Variants in HEMK2 observed in about 807,000 individuals in gnomAD.
HEMK2 encodes methyltransferase HEMK2.
At chr21:28,842,307 T>C in the HEMK2 span, among the ~76,000 whole-genome samples, 209 of 152,326 alleles carry the variant, frequency 1.4e-3, 1 homozygote, top group African/African-American at 4.3e-3. Context: ...CTCAGTTTTC[T>C]ATACACTATT....
the HEMK2 span, among the ~76,000 whole-genome samples, chr21:28,580,317 T>C: frequency 6.6e-6 from 1 of 151,462 alleles, no homozygotes; most frequent in Non-Finnish European, 1.5e-5. Context: ...GCCCAGAGAG[T>C]TGGGCAAGGG....
At chr21:28,701,450 T>A in the HEMK2 span, among the ~76,000 whole-genome samples, 1 of 151,984 alleles carries the variant, frequency 6.6e-6, no homozygotes, top group Admixed American at 6.6e-5. Context: ...AAAGTTTCAG[T>A]ATACAAAATT....
At chr21:28,726,869 T>TAAAAAAAAA in the HEMK2 span, among the ~76,000 whole-genome samples, 1 of 130,270 alleles carries the variant, frequency 7.7e-6, no homozygotes, top group African/African-American at 2.9e-5. Flanking sequence ...GGACCCTATC[T>TAAAAAAAAA]AAAAAAAAAA....
the HEMK2 span, among the ~76,000 whole-genome samples, chr21:28,864,081 T>C: frequency 6.6e-6 from 1 of 152,176 alleles, no homozygotes; most frequent in Non-Finnish European, 1.5e-5. Flanking sequence ...TCCACCCACC[T>C]TGGCCTCCCA....
At chr21:28,672,933 G>T in the HEMK2 span, among the ~76,000 whole-genome samples, 1 of 144,522 alleles carries the variant, frequency 6.9e-6, no homozygotes, top group South Asian at 2.2e-4. Flanking sequence ...CATGATAAAC[G>T]CAAAAAGAAG....
chr21:28,581,224 C>CTT, the HEMK2 span, among the ~76,000 whole-genome samples: 64 of 132,554 alleles, frequency 4.8e-4, 1 homozygote, highest in South Asian at 7.5e-3. Flanking sequence ...AAAAGTATGG[C>CTT]TTTTTTTTTT....
the HEMK2 span, among the ~76,000 whole-genome samples, chr21:28,682,758 T>G: frequency 6.6e-6 from 1 of 152,042 alleles, no homozygotes; most frequent in Non-Finnish European, 1.5e-5. Flanking sequence ...TGTAGGGACA[T>G]GGATGAAACT....
the HEMK2 span, among the ~76,000 whole-genome samples, chr21:28,877,005 G>GAGGAAGGA: frequency 0.011 from 367 of 34,490 alleles, 28 homozygotes; most frequent in Non-Finnish European, 0.016. Flanking sequence ...GGGAGGGAGG[G>GAGGAAGGA]AGGAAGGAAG....
chr21:28,806,652 T>TA, the HEMK2 span, among the ~76,000 whole-genome samples: 1 of 151,622 alleles, frequency 6.6e-6, no homozygotes, highest in Non-Finnish European at 1.5e-5. Flanking sequence ...GACAAGAAAA[T>TA]AAAATTAAAA....
At chr21:28,791,773 C>A in the HEMK2 span, among the ~76,000 whole-genome samples, 1 of 152,020 alleles carries the variant, frequency 6.6e-6, no homozygotes, top group Non-Finnish European at 1.5e-5. Flanking sequence ...CCCAAATTAC[C>A]AGAGTGACTC....
At chr21:28,685,119 C>A in the HEMK2 span, among the ~76,000 whole-genome samples, 1 of 151,942 alleles carries the variant, frequency 6.6e-6, no homozygotes, top group Non-Finnish European at 1.5e-5. Context: ...AATAGGGAAT[C>A]GGTTCATGTG....
the HEMK2 span, among the ~76,000 whole-genome samples, chr21:28,615,621 C>T: frequency 2.6e-5 from 4 of 151,620 alleles, no homozygotes; most frequent in East Asian, 7.8e-4. Flanking sequence ...GATTTTATTT[C>T]CCTTCTGGTT....
chr21:28,730,383 GACACACAC>G, the HEMK2 span, among the ~76,000 whole-genome samples: 22 of 115,832 alleles, frequency 1.9e-4, no homozygotes, highest in Admixed American at 8.0e-4. Flanking sequence ...AACACACACA[GACACACAC>G]ACACACACAC....
At chr21:28,622,863 C>T in the HEMK2 span, among the ~76,000 whole-genome samples, 1 of 152,210 alleles carries the variant, frequency 6.6e-6, no homozygotes, top group Admixed American at 6.5e-5. Flanking sequence ...AAACGTAAGA[C>T]CTAAAACCCT....
chr21:28,718,256 T>G, the HEMK2 span, among the ~76,000 whole-genome samples: 1 of 152,230 alleles, frequency 6.6e-6, no homozygotes, highest in Non-Finnish European at 1.5e-5. Context: ...GGCATTGATT[T>G]CTATTTTATT....
At chr21:28,697,049 GA>G in the HEMK2 span, among the ~76,000 whole-genome samples, 2 of 152,258 alleles carry the variant, frequency 1.3e-5, no homozygotes, top group East Asian at 3.9e-4. Context: ...GTAAGGTGAA[GA>G]GCTGCTATGA....
the HEMK2 span, among the ~76,000 whole-genome samples, chr21:28,669,258 G>A: frequency 6.6e-6 from 1 of 152,072 alleles, no homozygotes; most frequent in African/African-American, 2.4e-5. Context: ...ACTCGGGAGG[G>A]TGAAGCAGGA....
At chr21:28,871,561 T>C in the HEMK2 span, among the ~76,000 whole-genome samples, 1 of 152,340 alleles carries the variant, frequency 6.6e-6, no homozygotes, top group Non-Finnish European at 1.5e-5. Context: ...TCCATGTCTA[T>C]TCCTAATTAG....
the HEMK2 span, among the ~76,000 whole-genome samples, chr21:28,838,972 A>AATATATATATATATATATATATATAT: frequency 1.0e-4 from 3 of 29,154 alleles, no homozygotes; most frequent in Non-Finnish European, 1.7e-4. Context: ...AAAAAAAAAA[A>AATATATATATATATATATATATATAT]ATATATATAT....
Sources: gnomAD v4.1 joint callset for allele counts (sites outside exome capture counted in the v4.1 genomes callset) on GRCh38, gnomAD v4.1.1 for gene constraint, MANE v1.5 for transcripts, NCBI Gene and HGNC (gene_info 2026-07-23, HGNC 2026-07-21) for gene names.